NTM: variants seen among roughly 807,000 people sequenced by gnomAD.
NTM encodes the protein IgLON family member 2.
NTM carries 13 observed loss-of-function variants against 42.1 expected under a neutral mutation model. The ratio of observed to expected loss-of-function variants is 0.31; its 90% confidence interval spans 0.20 to 0.49. NTM has a LOEUF of 0.49. NTM is among the 20% of genes least tolerant of loss of function. The pLI, the probability that NTM is intolerant of heterozygous loss-of-function variation, is 0.99. For missense variants in NTM, 373 were observed against 452.8 expected (o/e 0.82, Z 1.60); for synonymous variants, 187 against 179.2 (o/e 1.04, Z -0.35).
intron 2 of NTM, among the ~76,000 whole-genome samples, chr11:131,940,306 A>C (rs1405885978): frequency 6.6e-6 from 1 of 152,198 alleles, no homozygotes; most frequent in Admixed American, 6.5e-5. Flanking sequence ...TGGAATCACC[A>C]CAAAATATTA....
At chr11:131,509,244 GGTT>G (rs2047927873) in intron 1 of NTM, among the ~76,000 whole-genome samples, 2 of 152,062 alleles carry the variant, frequency 1.3e-5, no homozygotes, top group Non-Finnish European at 2.9e-5. Context: ...GGGGCTTTGG[GGTT>G]GCTTATGGGC....
chr11:132,105,465 C>G (rs963888046), intron 2 of NTM, among the ~76,000 whole-genome samples: 9 of 151,734 alleles, frequency 5.9e-5, no homozygotes, highest in Non-Finnish European at 1.2e-4. Flanking sequence ...GGAAGAGGAG[C>G]ATAGTAAAGA....
At chr11:131,374,510 C>T (rs1941699567) in intron 1 of NTM, among the ~76,000 whole-genome samples, 1 of 152,128 alleles carries the variant, frequency 6.6e-6, no homozygotes, top group Non-Finnish European at 1.5e-5. Flanking sequence ...ATGTACAGTC[C>T]CTGACTTCTG....
chr11:131,853,934 C>T (rs750616329), intron 1 of NTM, among the ~76,000 whole-genome samples: 2 of 152,134 alleles, frequency 1.3e-5, no homozygotes, highest in Non-Finnish European at 2.9e-5. Flanking sequence ...TTATACACTC[C>T]TATTTTGAAT....
At position 131,534,926 on chromosome 11, in the gene NTM, G is replaced by A. The variant is rs561433837; in HGVS notation, c.82+164038G>A. The A allele has an allele frequency of 2.0e-5, 3 of 152,372 alleles. No individual in the cohort carries two copies. In the South Asian group the frequency reaches 6.2e-4, roughly 32 times the overall value. The allele number at this position is 152,372 out of a possible 1,614,324, so 9.4% of individuals were successfully genotyped here. A position where few individuals can be genotyped will look rare whatever the true frequency, so the allele number is the denominator to read the frequency against. On this transcript the variant is annotated intron_variant, in intron 1 of 8. Coordinates refer to ENST00000683400, the MANE Select transcript of NTM (RefSeq NM_001352005.2). ...CAGCACAAATCCCTGTATTTTCAAT[G>A]GAAGGAGCCGCTCCAGTGGCGCTGA... is the stretch of plus-strand genomic sequence containing the variant.
At chr11:132,126,322 G>A (rs1412757314) in intron 2 of NTM, among the ~76,000 whole-genome samples, 1 of 152,304 alleles carries the variant, frequency 6.6e-6, no homozygotes, top group Non-Finnish European at 1.5e-5. Flanking sequence ...GGACAATGCT[G>A]AGGGTGACAG....
chr11:132,295,607 G>C (rs1175648570), intron 4 of NTM, among the ~76,000 whole-genome samples: 1 of 152,230 alleles, frequency 6.6e-6, no homozygotes, highest in Non-Finnish European at 1.5e-5. Flanking sequence ...AGGCTGCATA[G>C]ACATTTGAAG....
At chr11:131,520,754 GAA>G (rs67512633) in intron 1 of NTM, among the ~76,000 whole-genome samples, 63,382 of 149,122 alleles carry the variant, frequency 0.43, 13,631 homozygotes, top group African/African-American at 0.52. Context: ...ACCCTTAAAA[GAA>G]AAAAAAAAAT....
At chr11:131,967,702 TTC>T (rs1194943505) in intron 2 of NTM, among the ~76,000 whole-genome samples, 5 of 152,220 alleles carry the variant, frequency 3.3e-5, no homozygotes, top group South Asian at 2.1e-4. Context: ...TTGTGTTTTC[TTC>T]TCTCTCTTTT....
At chr11:131,789,908 A>C (rs1045532843) in intron 1 of NTM, among the ~76,000 whole-genome samples, 1 of 138,628 alleles carries the variant, frequency 7.2e-6, no homozygotes, top group Non-Finnish European at 1.5e-5. Context: ...GTGAGCCGAG[A>C]TCGCGCCACT....
chr11:131,999,380 C>T (rs976555128), intron 2 of NTM, among the ~76,000 whole-genome samples: 14 of 152,204 alleles, frequency 9.2e-5, no homozygotes, highest in African/African-American at 1.7e-4. Flanking sequence ...GAGCAATGCC[C>T]GACTGATGTC....
At chr11:132,182,239 T>C (rs1257129965) in intron 3 of NTM, among the ~76,000 whole-genome samples, 2 of 152,142 alleles carry the variant, frequency 1.3e-5, no homozygotes, top group Non-Finnish European at 2.9e-5. Context: ...ATCTACCAAA[T>C]ATTCCTTTCC....
intron 1 of NTM, among the ~76,000 whole-genome samples, chr11:131,657,217 G>A (rs1362047264): frequency 2.6e-5 from 4 of 151,936 alleles, no homozygotes; most frequent in East Asian, 1.9e-4. Flanking sequence ...AGCATCAAGC[G>A]CTGGCCCAGT....
intron 1 of NTM, among the ~76,000 whole-genome samples, chr11:131,879,000 T>A (rs947894625): frequency 6.6e-6 from 1 of 152,034 alleles, no homozygotes; most frequent in African/African-American, 2.4e-5. Context: ...CCACCTCCAA[T>A]CCACGGAACT....
At chr11:132,172,469 G>A (rs921548697) in intron 3 of NTM, among the ~76,000 whole-genome samples, 6 of 152,196 alleles carry the variant, frequency 3.9e-5, no homozygotes, top group African/African-American at 1.4e-4. Context: ...TTAAAGGACA[G>A]GATGTGGGGG....
At chr11:131,873,693 A>G (rs559279046) in intron 1 of NTM, among the ~76,000 whole-genome samples, 104 of 129,214 alleles carry the variant, frequency 8.0e-4, no homozygotes, top group African/African-American at 2.5e-3. Flanking sequence ...ATATATATAC[A>G]CACATATATA....
At chr11:131,607,889 G>GT (rs34341331) in intron 1 of NTM, among the ~76,000 whole-genome samples, 2,137 of 149,886 alleles carry the variant, frequency 0.014, 48 homozygotes, top group African/African-American at 0.048. Context: ...GGTTTTTTGT[G>GT]TTTTTTTTTT....
At chr11:131,957,054 T>C (rs2061632696) in intron 2 of NTM, among the ~76,000 whole-genome samples, 1 of 152,210 alleles carries the variant, frequency 6.6e-6, no homozygotes, top group South Asian at 2.1e-4. Context: ...TCATCTCTAA[T>C]ATGCATATTT....
chr11:131,678,597 A>G (rs951962810), intron 1 of NTM, among the ~76,000 whole-genome samples: 2 of 152,248 alleles, frequency 1.3e-5, no homozygotes, highest in African/African-American at 4.8e-5. Context: ...TAGACATTCT[A>G]CTGCCCAATG....
Sources: gnomAD v4.1 joint callset for allele counts (sites outside exome capture counted in the v4.1 genomes callset) on GRCh38, gnomAD v4.1.1 for gene constraint, MANE v1.5 for transcripts, NCBI Gene and HGNC (gene_info 2026-07-23, HGNC 2026-07-21) for gene names.